Variants in NPLOC4 observed in about 807,000 individuals in gnomAD.
NPLOC4 encodes nuclear protein localization protein 4 homolog.
A neutral mutation model predicts 80.6 loss-of-function variants in NPLOC4; 18 were observed. That is an observed-to-expected ratio of 0.22 (90% confidence interval 0.15 to 0.33). The LOEUF (loss-of-function observed/expected upper bound fraction) is 0.33, where lower values mean the gene tolerates loss of function less well. Among genes scored for constraint, NPLOC4 ranks in the 10% least tolerant of loss-of-function variants. The pLI, the probability that NPLOC4 is intolerant of heterozygous loss-of-function variation, is 1.00. For missense variants in NPLOC4, 540 were observed against 786.1 expected (o/e 0.69, Z 3.74); for synonymous variants, 313 against 301.5 (o/e 1.04, Z -0.39).
Position 81,572,172 on chromosome 17 carries a change from T to TTAA in NPLOC4, c.1282-85_1282-84insTTA, listed in dbSNP as rs2034178310. The TTAA allele has an allele frequency of 3.8e-4, 224 of 590,488 alleles. No homozygotes were observed. The Middle Eastern group carries it at 4.9e-3, about 13-fold the overall frequency. The allele number at this position is 590,488 out of a possible 1,614,324, so 36.6% of individuals were successfully genotyped here. A position where few individuals can be genotyped will look rare whatever the true frequency, so the allele number is the denominator to read the frequency against. On this transcript the variant is annotated intron_variant, in intron 12 of 16. Transcript: ENST00000331134. The surrounding 1 kb of genome is among the most constrained non-coding windows in gnomAD (Gnocchi z 4.5). ...TTTCACATGCTTGTCTCACCTTTTA[T>TTAA]TTAATTAATTAATTTATTTATTTAT...
chr17:81,626,811 G>A (rs2035807346), intron 2 of NPLOC4, among the ~76,000 whole-genome samples: 1 of 152,090 alleles, frequency 6.6e-6, no homozygotes, highest in Non-Finnish European at 1.5e-5. Context: ...AAAATGGACT[G>A]GGTGAGGGTG....
At chr17:81,636,894 C>A in intron 1 of NPLOC4, 22 bp downstream of exon 1, 2 of 1,409,656 alleles carry the variant, frequency 1.4e-6, no homozygotes, top group Non-Finnish European at 1.9e-6. Flanking sequence ...CGTCCCCGCT[C>A]CCGCCCGGCC....
At chr17:81,631,268 G>A (rs1020826133) in intron 1 of NPLOC4, among the ~76,000 whole-genome samples, 9 of 151,060 alleles carry the variant, frequency 6.0e-5, no homozygotes, top group Non-Finnish European at 1.3e-4. Context: ...TTTTCAGCTG[G>A]GCACAGTGGC....
intron 16 of NPLOC4, chr17:81,564,160 G>A: frequency 4.0e-6 from 1 of 252,130 alleles, no homozygotes; most frequent in Non-Finnish European, 8.1e-6. Context: ...ACTATGTGTA[G>A]TACCTGGGTG....
intron 12 of NPLOC4, among the ~76,000 whole-genome samples, chr17:81,576,433 T>C (rs1380395733): frequency 6.6e-6 from 1 of 152,084 alleles, no homozygotes; most frequent in South Asian, 2.1e-4. Context: ...TAACTTTACA[T>C]ATAAGCAGGT....
At chr17:81,588,886 C>G in intron 12 of NPLOC4, 58 bp downstream of exon 12, 2 of 1,508,488 alleles carry the variant, frequency 1.3e-6, no homozygotes, top group Middle Eastern at 1.9e-4. Context: ...TAGAAAGGTC[C>G]AAGACAGGTT....
At chr17:81,578,192 C>T (rs1014968993) in intron 12 of NPLOC4, among the ~76,000 whole-genome samples, 5 of 152,206 alleles carry the variant, frequency 3.3e-5, no homozygotes, top group Admixed American at 6.5e-5. Flanking sequence ...TTTCCATGGC[C>T]TCCCACTGTC....
intron 4 of NPLOC4, among the ~76,000 whole-genome samples, chr17:81,611,891 C>T (rs1356927721): frequency 3.4e-5 from 5 of 148,380 alleles, no homozygotes; most frequent in East Asian, 2.0e-4. Context: ...ACCGGGGGGA[C>T]GCAGCTGGCA....
chr17:81,601,694 G>A (rs913580386), intron 8 of NPLOC4, among the ~76,000 whole-genome samples: 10 of 152,274 alleles, frequency 6.6e-5, no homozygotes, highest in South Asian at 4.1e-4. Context: ...CTTCACTGGC[G>A]GGGTCTCTAC....
Position 81,598,675 on chromosome 17 carries a change from C to T in NPLOC4, c.922-1359G>A, listed in dbSNP as rs571702210. ...CTGTGTGCTGTGTGATCCTTAGGCC[C>T]GCCTCTGCCTGTGAATTCCTGCACC... is the stretch of plus-strand genomic sequence containing the variant. On this transcript the variant is annotated intron_variant, in intron 9 of 16. Transcript: ENST00000331134. Among the ~76,000 whole-genome samples, 61 of 152,226 alleles carry T rather than the reference C, an allele frequency of 4.0e-4. 1 individual carries two copies. The East Asian group carries it at 0.011, about 27-fold the overall frequency.
At chr17:81,602,657 AT>A (rs544612274) in intron 8 of NPLOC4, among the ~76,000 whole-genome samples, 1 of 151,492 alleles carries the variant, frequency 6.6e-6, no homozygotes, top group Middle Eastern at 3.2e-3. Context: ...AGTGGAGATC[AT>A]GCCACTGCAC....
chr17:81,575,720 C>G (rs2034279574), intron 12 of NPLOC4, among the ~76,000 whole-genome samples: 2 of 152,212 alleles, frequency 1.3e-5, no homozygotes, highest in African/African-American at 4.8e-5. Context: ...CGCAGGCCTC[C>G]CTCCTGCCTT....
At chr17:81,583,377 G>C (rs1007467650) in intron 12 of NPLOC4, among the ~76,000 whole-genome samples, 1 of 152,198 alleles carries the variant, frequency 6.6e-6, no homozygotes, top group African/African-American at 2.4e-5. Context: ...ACAAGTCTTT[G>C]TTTTGAAGTT....
At position 81,569,030 on chromosome 17, in the gene NPLOC4, A is replaced by G. The variant is rs1035968531; in HGVS notation, c.1435T>C (p.Leu479=). 3.7e-6 allele frequency: 6 copies of G among 1,606,834 alleles called. No homozygotes were observed. Among genetic ancestry groups the G allele is most frequent in the East Asian group, 2.2e-5 (1 of 44,838 alleles). Residue 479 remains leucine (L), a synonymous_variant, in exon 14 of 17, where the codon TTG becomes CTG. Transcript: ENST00000331134. ...NPFPIENRDV[L]GETQDFHSLA... ...AAAGAGCTCACCTGTGTCTCACCCAATACATCCCGGTTTTCAATAGGAAAT... is the reference window on the plus strand; with the variant it reads ...AAAGAGCTCACCTGTGTCTCACCCAGTACATCCCGGTTTTCAATAGGAAAT...
chr17:81,609,321 TTAAC>T (rs1400011089), intron 5 of NPLOC4, among the ~76,000 whole-genome samples: 1 of 151,958 alleles, frequency 6.6e-6, no homozygotes, highest in Non-Finnish European at 1.5e-5. Context: ...TCTGGCCAAT[TTAAC>T]TGTTTTAGAG....
chr17:81,575,102 ACTTTT>A (rs1462010826), intron 12 of NPLOC4, among the ~76,000 whole-genome samples: 2 of 152,204 alleles, frequency 1.3e-5, no homozygotes, highest in Non-Finnish European at 2.9e-5. Flanking sequence ...ACACTCGGTT[ACTTTT>A]CTTTTTTTTT....
At chr17:81,592,477 T>TG (rs2034777393) in intron 11 of NPLOC4, among the ~76,000 whole-genome samples, 1 of 152,194 alleles carries the variant, frequency 6.6e-6, no homozygotes, top group African/African-American at 2.4e-5. Context: ...ACTGCCTATC[T>TG]GCTTATAAAT....
intron 2 of NPLOC4, among the ~76,000 whole-genome samples, chr17:81,625,034 A>T (rs988345066): frequency 6.6e-6 from 1 of 152,150 alleles, no homozygotes; most frequent in African/African-American, 2.4e-5. Flanking sequence ...TGCCAATTAG[A>T]GACAAGAGAG....
At chr17:81,599,372 A>T (rs964742585) in intron 9 of NPLOC4, among the ~76,000 whole-genome samples, 1 of 152,232 alleles carries the variant, frequency 6.6e-6, no homozygotes, top group South Asian at 2.1e-4. Context: ...GAACTGTAAG[A>T]TTATAACAAA....
Sources: gnomAD v4.1 joint callset for allele counts (sites outside exome capture counted in the v4.1 genomes callset) on GRCh38, gnomAD v4.1.1 for gene constraint, Gnocchi (gnomAD v3.1) non-coding constraint, MANE v1.5 for transcripts, NCBI Gene and HGNC (gene_info 2026-07-23, HGNC 2026-07-21) for gene names.